CTNNA3: variants seen among roughly 807,000 people sequenced by gnomAD.
The protein encoded by CTNNA3 is catenin alpha-3.
CTNNA3 carries 76 observed loss-of-function variants against 95.7 expected under a neutral mutation model. The observed-to-expected ratio is 0.79, with a 90% CI of 0.66 to 0.96. CTNNA3 has a LOEUF of 0.96. Among genes scored for constraint, CTNNA3 ranks in the 40% least tolerant of loss-of-function variants. CTNNA3 has a pLI of 0.00. For missense variants in CTNNA3, 1,191 were observed against 1,089.8 expected (o/e 1.09, Z -1.31); for synonymous variants, 431 against 374.4 (o/e 1.15, Z -1.74).
chr10:66,400,141 GAAAAC>G (rs1362477117), intron 11 of CTNNA3, among the ~76,000 whole-genome samples: 1 of 151,606 alleles, frequency 6.6e-6, no homozygotes, highest in Non-Finnish European at 1.5e-5. Flanking sequence ...GATAAAAAAT[GAAAAC>G]AAAACAAAGA....
chr10:66,288,188 T>G (rs1283865557), intron 12 of CTNNA3, among the ~76,000 whole-genome samples: 2 of 152,110 alleles, frequency 1.3e-5, no homozygotes, highest in African/African-American at 2.4e-5. Context: ...TTAATTTGCC[T>G]ATCTTCACAC....
At chr10:67,261,179 A>G (rs1382218484) in intron 5 of CTNNA3, among the ~76,000 whole-genome samples, 1 of 152,118 alleles carries the variant, frequency 6.6e-6, no homozygotes, top group East Asian at 1.9e-4. Flanking sequence ...TTATTTATTT[A>G]TGCATACAAA....
Position 67,455,291 on chromosome 10 carries a change from G to C in CTNNA3, c.579+66551C>G, listed in dbSNP as rs146812121. On this transcript the variant is annotated intron_variant, in intron 5 of 17. Coordinates refer to ENST00000433211, the MANE Select transcript of CTNNA3 (RefSeq NM_013266.4). ...TCTCTATCATATTGTATTTGAGAAG[G>C]AAAAAATAGAACTGTGCAAGAAATC... 2.4e-4 allele frequency among the ~76,000 whole-genome samples: 37 copies of C among 151,982 alleles called. No individual in the cohort carries two copies. In the East Asian group the frequency reaches 7.0e-3, roughly 29 times the overall value.
intron 7 of CTNNA3, among the ~76,000 whole-genome samples, chr10:67,101,970 A>T (rs1307582741): frequency 6.6e-6 from 1 of 151,662 alleles, no homozygotes; most frequent in Non-Finnish European, 1.5e-5. Context: ...AGAAGAAGTT[A>T]TGGGACTGGC....
intron 5 of CTNNA3, among the ~76,000 whole-genome samples, chr10:67,255,727 G>A (rs906650827): frequency 6.6e-5 from 10 of 152,070 alleles, no homozygotes; most frequent in Admixed American, 1.3e-4. Flanking sequence ...CTAGGCTGTC[G>A]GACTTTCCAG....
intron 7 of CTNNA3, among the ~76,000 whole-genome samples, chr10:67,164,773 A>C: frequency 6.6e-6 from 1 of 152,204 alleles, no homozygotes; most frequent in East Asian, 1.9e-4. Context: ...CAGACAGCAA[A>C]TAAACACATG....
chr10:65,991,528 G>A (rs2078546420), intron 15 of CTNNA3, among the ~76,000 whole-genome samples: 1 of 151,308 alleles, frequency 6.6e-6, no homozygotes, highest in Non-Finnish European at 1.5e-5. Flanking sequence ...ATTTTAAATG[G>A]GATTGCCTCT....
intron 5 of CTNNA3, among the ~76,000 whole-genome samples, chr10:67,389,258 A>G (rs1320154594): frequency 6.6e-6 from 1 of 150,924 alleles, no homozygotes; most frequent in Admixed American, 6.6e-5. Flanking sequence ...AGGGGTTGCA[A>G]TCCTAGTCTC....
At chr10:67,657,764 T>C (rs1224473709) in intron 1 of CTNNA3, among the ~76,000 whole-genome samples, 1 of 149,506 alleles carries the variant, frequency 6.7e-6, no homozygotes, top group Non-Finnish European at 1.5e-5. Context: ...GGAGAATCAC[T>C]TGAACCTGGG....
intron 11 of CTNNA3, among the ~76,000 whole-genome samples, chr10:66,466,933 A>G (rs911954479): frequency 2.6e-5 from 4 of 151,986 alleles, no homozygotes; most frequent in East Asian, 1.9e-4. Flanking sequence ...TTGACATTAT[A>G]TTATTTTTTA....
At chr10:67,742,533 C>A (rs982861384) in intron 1 of CTNNA3, among the ~76,000 whole-genome samples, 3 of 150,822 alleles carry the variant, frequency 2.0e-5, no homozygotes, top group Admixed American at 6.6e-5. Context: ...GCACTAAATG[C>A]CCACAAGAGA....
At chr10:67,641,102 G>C (rs368689447) in intron 2 of CTNNA3, among the ~76,000 whole-genome samples, 1 of 151,942 alleles carries the variant, frequency 6.6e-6, no homozygotes, top group Non-Finnish European at 1.5e-5. Flanking sequence ...TTGCAATCTA[G>C]TCATCTGACA....
At chr10:66,926,633 A>T in intron 7 of CTNNA3, 1 of 1,599,890 alleles carries the variant, frequency 6.3e-7, no homozygotes, top group Non-Finnish European at 8.6e-7. Context: ...AACAAAAAAC[A>T]AAAAACCTCT....
chr10:67,741,781 A>G (rs1841341048), intron 1 of CTNNA3, among the ~76,000 whole-genome samples: 1 of 151,322 alleles, frequency 6.6e-6, no homozygotes, highest in Non-Finnish European at 1.5e-5. Context: ...GCACAGACAC[A>G]CATAGGATCA....
intron 5 of CTNNA3, among the ~76,000 whole-genome samples, chr10:67,273,492 G>A (rs12262053): frequency 0.14 from 21,201 of 152,082 alleles, 3,075 homozygotes; most frequent in African/African-American, 0.37. Context: ...AGGGTAAAAT[G>A]ATAAAACTCC....
chr10:65,920,014 C>G lies in CTNNA3; in HGVS notation c.*316G>C. On this transcript the variant is annotated 3_prime_UTR_variant, in exon 18 of 18. Transcript: ENST00000433211. ...CATGAAGTATTACAGATAAACAGGA[C>G]TCTCTGGCCTCTCCTGTGTTTATTT... is the stretch of plus-strand genomic sequence containing the variant. 1 of 298,026 alleles carries G rather than the reference C, an allele frequency of 3.4e-6. No individual in the cohort carries two copies. Among genetic ancestry groups the G allele is most frequent in the Non-Finnish European group, 6.3e-6 (1 of 158,468 alleles). 18.5% of individuals were successfully genotyped at this position (298,026 alleles called of 1,614,324 possible). A position where few individuals can be genotyped will look rare whatever the true frequency, so the allele number is the denominator to read the frequency against.
intron 13 of CTNNA3, among the ~76,000 whole-genome samples, chr10:66,227,598 G>A (rs545528639): frequency 1.2e-4 from 19 of 152,034 alleles, no homozygotes; most frequent in East Asian, 5.8e-4. Context: ...GGATATTTGC[G>A]TCTATGTTCA....
intron 4 of CTNNA3, among the ~76,000 whole-genome samples, chr10:67,534,862 T>C (rs1840443061): frequency 6.6e-6 from 1 of 152,114 alleles, no homozygotes; most frequent in Non-Finnish European, 1.5e-5. Flanking sequence ...AACATTATAC[T>C]TGATAGGACA....
At chr10:67,744,916 C>A (rs1295686586) in intron 1 of CTNNA3, among the ~76,000 whole-genome samples, 1 of 152,072 alleles carries the variant, frequency 6.6e-6, no homozygotes, top group Non-Finnish European at 1.5e-5. Flanking sequence ...AAATGCTCAT[C>A]ATCACTGGCC....
Sources: gnomAD v4.1 joint callset for allele counts (sites outside exome capture counted in the v4.1 genomes callset) on GRCh38, gnomAD v4.1.1 for gene constraint, MANE v1.5 for transcripts, NCBI Gene and HGNC (gene_info 2026-07-23, HGNC 2026-07-21) for gene names.